Variants in PPP2R5C observed in about 807,000 individuals in gnomAD.
PPP2R5C encodes serine/threonine-protein phosphatase 2A 56 kDa regulatory subunit gamma isoform.
PPP2R5C carries 7 observed loss-of-function variants against 68.9 expected under a neutral mutation model. The ratio of observed to expected loss-of-function variants is 0.10; its 90% CI spans 0.06 to 0.19. The LOEUF is 0.19. Among genes scored for constraint, PPP2R5C ranks in the 10% least tolerant of loss-of-function variants. PPP2R5C has a pLI of 1.00. For missense variants in PPP2R5C, 348 were observed against 641.3 expected (o/e 0.54, Z 4.94); for synonymous variants, 210 against 222.2 (o/e 0.95, Z 0.49).
chr14:101,918,483 C>CCA (rs1453030027), intron 13 of PPP2R5C, among the ~76,000 whole-genome samples: 1 of 53,772 alleles, frequency 1.9e-5, no homozygotes, highest in Admixed American at 1.7e-4. Context: ...TCTGGCCCCC[C>CCA]ACCCCTCCCC....
chr14:101,780,893 C>T (rs2037648080), intron 2 of PPP2R5C, among the ~76,000 whole-genome samples: 1 of 152,134 alleles, frequency 6.6e-6, no homozygotes, highest in Admixed American at 6.5e-5. Flanking sequence ...TGGCTCAACC[C>T]CAGACCCAGA....
At chr14:101,800,137 T>A (rs565342013) in intron 3 of PPP2R5C, among the ~76,000 whole-genome samples, 1 of 152,010 alleles carries the variant, frequency 6.6e-6, no homozygotes, top group African/African-American at 2.4e-5. Flanking sequence ...TAGTCCCAGA[T>A]ACTTGGGAGG....
chr14:101,770,589 G>A, intron 2 of PPP2R5C, among the ~76,000 whole-genome samples: 1 of 152,172 alleles, frequency 6.6e-6, no homozygotes, highest in East Asian at 1.9e-4. Flanking sequence ...AAGCACATTG[G>A]ACCCTAGGGT....
chr14:101,872,631 T>C, intron 2 of PPP2R5C, among the ~76,000 whole-genome samples: 1 of 152,192 alleles, frequency 6.6e-6, no homozygotes, highest in East Asian at 1.9e-4. Flanking sequence ...CTTGCATTAT[T>C]TCTGATGAGA....
intron 1 of PPP2R5C, among the ~76,000 whole-genome samples, chr14:101,814,877 C>T (rs1270116973): frequency 6.6e-6 from 1 of 152,182 alleles, no homozygotes; most frequent in African/African-American, 2.4e-5. Context: ...TGTACTTCTT[C>T]CTCACAGCAC....
intron 10 of PPP2R5C, among the ~76,000 whole-genome samples, chr14:101,907,392 A>G (rs1266476488): frequency 6.6e-6 from 1 of 152,038 alleles, no homozygotes; most frequent in African/African-American, 2.4e-5. Context: ...GCTGGTCTCG[A>G]ACTCCTGGAC....
At chr14:101,881,683 T>C (rs1037300617) in intron 2 of PPP2R5C, among the ~76,000 whole-genome samples, 2 of 152,240 alleles carry the variant, frequency 1.3e-5, no homozygotes, top group Non-Finnish European at 2.9e-5. Context: ...TCGTTGCGGA[T>C]TGCAGAGGAT....
chr14:101,804,393 G>A (rs1324548241), intron 3 of PPP2R5C, among the ~76,000 whole-genome samples: 1 of 152,160 alleles, frequency 6.6e-6, no homozygotes, highest in East Asian at 1.9e-4. Context: ...GAAAGAAAAT[G>A]AGTATATCAA....
At chr14:101,813,957 A>T (rs2039512607) in intron 1 of PPP2R5C, among the ~76,000 whole-genome samples, 1 of 152,234 alleles carries the variant, frequency 6.6e-6, no homozygotes, top group Non-Finnish European at 1.5e-5. Flanking sequence ...AAAAACATGC[A>T]AGAAGCAAGC....
intron 12 of PPP2R5C, chr14:101,914,078 C>T (rs908769958): frequency 2.2e-6 from 1 of 444,902 alleles, no homozygotes; most frequent in African/African-American, 2.0e-5. Flanking sequence ...ACGTATTGTT[C>T]TCTTTTTTCT....
intron 1 of PPP2R5C, among the ~76,000 whole-genome samples, chr14:101,851,111 A>G (rs1016718304): frequency 6.6e-6 from 1 of 152,190 alleles, no homozygotes; most frequent in African/African-American, 2.4e-5. Context: ...AGACCTCCCC[A>G]GGACCCTGGG....
At chr14:101,875,650 C>CA (rs2043717477) in intron 2 of PPP2R5C, among the ~76,000 whole-genome samples, 1 of 152,204 alleles carries the variant, frequency 6.6e-6, no homozygotes, top group Non-Finnish European at 1.5e-5. Flanking sequence ...GCCATGAAAG[C>CA]AGATTCAAAC....
chr14:101,824,141 T>C lies in PPP2R5C; in HGVS notation c.94+14105T>C, dbSNP rs1595275434. On this transcript the variant is annotated intron_variant, in intron 1 of 13. Transcript: ENST00000334743. ...AGAGATTCATGTTCAAGCTGCATTT[T>C]AGACATAGCTGGCAAGAGTATTTTC... 4 of 1,284,662 alleles carry C rather than the reference T, an allele frequency of 3.1e-6. No homozygotes were observed. The East Asian group carries it at 2.2e-4, about 72-fold the overall frequency. 79.6% of individuals were successfully genotyped at this position (1,284,662 alleles called of 1,614,324 possible). A position where few individuals can be genotyped will look rare whatever the true frequency, so the allele number is the denominator to read the frequency against.
At chr14:101,847,242 A>G (rs185847812) in intron 1 of PPP2R5C, among the ~76,000 whole-genome samples, 12 of 152,348 alleles carry the variant, frequency 7.9e-5, no homozygotes, top group African/African-American at 2.2e-4. Flanking sequence ...AGCATCCAGT[A>G]TGATTAATGT....
intron 1 of PPP2R5C, among the ~76,000 whole-genome samples, chr14:101,844,376 G>T (rs2041694470): frequency 6.6e-6 from 1 of 152,142 alleles, no homozygotes; most frequent in Non-Finnish European, 1.5e-5. Flanking sequence ...CTGATATCGT[G>T]GTTTCTGGCA....
intron 1 of PPP2R5C, among the ~76,000 whole-genome samples, chr14:101,845,407 G>A (rs1233798001): frequency 6.6e-6 from 1 of 152,132 alleles, no homozygotes; most frequent in African/African-American, 2.4e-5. Context: ...AGCCTCTCCT[G>A]GCCTTTGCCT....
Position 101,830,473 on chromosome 14 carries a change from G to A in PPP2R5C, c.94+20437G>A, listed in dbSNP as rs544725454. ...GACAGCCAAGTGTTGGCCCAAATCA[G>A]CATAAATCAGAGCAACAGAAAATCC... On this transcript the variant is annotated intron_variant, in intron 1 of 13. Transcript: ENST00000334743. Among the ~76,000 whole-genome samples, 4 of 152,330 alleles carry A rather than the reference G, an allele frequency of 2.6e-5. No homozygotes were observed. In the South Asian group the frequency reaches 8.3e-4, roughly 32 times the overall value.
chr14:101,809,544 TAC>T (rs1412706007), upstream of PPP2R5C, among the ~76,000 whole-genome samples: 4 of 145,048 alleles, frequency 2.8e-5, no homozygotes, highest in Non-Finnish European at 4.5e-5. Flanking sequence ...CACAGACATA[TAC>T]ACACACTTTT....
exon 3 of PPP2R5C, chr14:101,786,062 A>T: frequency 6.5e-7 from 1 of 1,548,920 alleles, no homozygotes; most frequent in Non-Finnish European, 8.7e-7. Flanking sequence ...TCCCGTCTAC[A>T]GTATCTGCTA....
Sources: gnomAD v4.1 joint callset for allele counts (sites outside exome capture counted in the v4.1 genomes callset) on GRCh38, gnomAD v4.1.1 for gene constraint, MANE v1.5 for transcripts, NCBI Gene and HGNC (gene_info 2026-07-23, HGNC 2026-07-21) for gene names.